The following EPB41 variants were observed in gnomAD, a reference collection of about 807,000 sequenced individuals.
EPB41 encodes the protein protein 4.1.
A neutral mutation model predicts 108.0 loss-of-function variants in EPB41; 65 were observed. That is an observed-to-expected ratio of 0.60 (90% CI 0.49 to 0.74). EPB41 has a LOEUF of 0.74. EPB41 is among the 30% of genes least tolerant of loss of function. The pLI, the probability that EPB41 is intolerant of heterozygous loss-of-function variation, is 0.00. For missense variants in EPB41, 875 were observed against 1,037.0 expected (o/e 0.84, Z 2.15); for synonymous variants, 336 against 358.9 (o/e 0.94, Z 0.72).
At chr1:28,967,013 C>CTTTTTTTTTTTTTTTT (rs71586876) in intron 1 of EPB41, among the ~76,000 whole-genome samples, 1 of 85,368 alleles carries the variant, frequency 1.2e-5, no homozygotes, top group Non-Finnish European at 2.1e-5. Flanking sequence ...ATATGAGAAC[C>CTTTTTTTTTTTTTTTT]TTTTTTTTTT....
chr1:28,937,607 C>G (rs1448537774), intron 1 of EPB41, among the ~76,000 whole-genome samples: 1 of 152,158 alleles, frequency 6.6e-6, no homozygotes, highest in African/African-American at 2.4e-5. Context: ...GTTGGCCAGG[C>G]TGGTCTTTAA....
At chr1:29,087,225 G>A (rs750104359) in intron 16 of EPB41, among the ~76,000 whole-genome samples, 1 of 151,984 alleles carries the variant, frequency 6.6e-6, no homozygotes, top group Middle Eastern at 3.2e-3. Context: ...ACAGGTGTGA[G>A]CCACCGTGCC....
intron 12 of EPB41, among the ~76,000 whole-genome samples, chr1:29,056,042 C>T (rs918422200): frequency 6.6e-6 from 1 of 151,544 alleles, no homozygotes; most frequent in African/African-American, 2.4e-5. Context: ...TGAGACCATC[C>T]TGGCCAACAT....
intron 18 of EPB41, among the ~76,000 whole-genome samples, chr1:29,112,113 A>C (rs1669384548): frequency 1.3e-5 from 2 of 152,102 alleles, no homozygotes; most frequent in African/African-American, 4.8e-5. Flanking sequence ...CCAGCAGTAG[A>C]TTAAAATTTG....
intron 16 of EPB41, among the ~76,000 whole-genome samples, chr1:29,078,512 G>C (rs959086107): frequency 4.6e-5 from 7 of 151,720 alleles, no homozygotes; most frequent in African/African-American, 1.5e-4. Flanking sequence ...TAATCCCAGC[G>C]CTTTGGGAGG....
intron 15 of EPB41, among the ~76,000 whole-genome samples, chr1:29,062,376 A>G (rs1014924938): frequency 3.3e-5 from 5 of 152,206 alleles, no homozygotes; most frequent in African/African-American, 4.8e-5. Context: ...GAGACTCACA[A>G]AGTCCCTGTG....
At chr1:29,040,439 C>T (rs1006299516) in intron 11 of EPB41, among the ~76,000 whole-genome samples, 4 of 152,006 alleles carry the variant, frequency 2.6e-5, no homozygotes, top group Non-Finnish European at 5.9e-5. Flanking sequence ...TGCCACCATT[C>T]CTGGCTAATT....
chr1:28,950,813 C>T (rs2094689895), intron 1 of EPB41, among the ~76,000 whole-genome samples: 3 of 152,148 alleles, frequency 2.0e-5, no homozygotes, highest in African/African-American at 7.2e-5. Context: ...GAAGAGACAT[C>T]TTGAACAGGC....
At chr1:29,009,037 T>G (rs1178964091) in intron 4 of EPB41, among the ~76,000 whole-genome samples, 1 of 152,212 alleles carries the variant, frequency 6.6e-6, no homozygotes, top group African/African-American at 2.4e-5. Context: ...GCACATATTT[T>G]TTATCATTGT....
At chr1:29,041,615 G>A (rs1641585858) in intron 11 of EPB41, 2 of 151,808 alleles carry the variant, frequency 1.3e-5, no homozygotes, top group Admixed American at 6.6e-5. Context: ...GTTGTTATGT[G>A]CATATATAGT....
chr1:29,055,688 G>A lies in EPB41; in HGVS notation c.1845+2376G>A, dbSNP rs932523325. On this transcript the variant is annotated intron_variant, in intron 12 of 20. Coordinates refer to ENST00000343067, the MANE Select transcript of EPB41 (RefSeq NM_001376013.1). The stretch of plus-strand genomic sequence containing the variant: ...TATGGCGGCAGGCACGGTGGCTCAC[G>A]CCCGTAATCCCAGCAATTTGGGAGG... Among the ~76,000 whole-genome samples the A allele has an allele frequency of 2.2e-4, 34 of 151,452 alleles. 1 individual carries two copies. The highest frequency in any genetic ancestry group is 7.5e-4 in the African/African-American group (31 of 41,166).
At chr1:28,927,832 T>C (rs1456270650) in intron 1 of EPB41, among the ~76,000 whole-genome samples, 1 of 152,138 alleles carries the variant, frequency 6.6e-6, no homozygotes, top group Admixed American at 6.6e-5. Flanking sequence ...AAAAACTGCT[T>C]TCTATCTCAA....
At chr1:29,056,450 G>A (rs188349585) in intron 12 of EPB41, among the ~76,000 whole-genome samples, 55 of 152,190 alleles carry the variant, frequency 3.6e-4, no homozygotes, top group Non-Finnish European at 6.5e-4. Context: ...ATACCTGTAG[G>A]TGCTGTCTCC....
chr1:29,018,068 GTTA>G lies in EPB41; in HGVS notation c.906-148_906-146del, dbSNP rs1253577232. On this transcript the variant is annotated intron_variant, in intron 6 of 20. Transcript: ENST00000343067. This position sits in a 1 kb window ranked among gnomAD's most constrained non-coding sequence, Gnocchi z 4.4. ...CCATATACCAACTACCTAGATTGAA[GTTA>G]TTATTATCTCATATTTACTTAATTG... Among the ~76,000 whole-genome samples the G allele has an allele frequency of 1.3e-5, 2 of 152,030 alleles. No individual in the cohort carries two copies. Among genetic ancestry groups the G allele is most frequent in the South Asian group, 2.1e-4 (1 of 4,806 alleles).
intron 15 of EPB41, among the ~76,000 whole-genome samples, chr1:29,061,424 C>CA (rs1246906475): frequency 6.6e-5 from 10 of 152,022 alleles, no homozygotes; most frequent in South Asian, 4.1e-4. Context: ...CGCCCGCCAC[C>CA]TGTCTGGCTA....
chr1:28,964,240 A>G (rs1330628931), intron 1 of EPB41, among the ~76,000 whole-genome samples: 3 of 152,072 alleles, frequency 2.0e-5, no homozygotes, highest in Non-Finnish European at 4.4e-5. Context: ...GGAATTTGAG[A>G]CCACTGTGGC....
At chr1:28,922,618 G>A (rs1034038017) in intron 1 of EPB41, among the ~76,000 whole-genome samples, 2 of 130,592 alleles carry the variant, frequency 1.5e-5, no homozygotes, top group African/African-American at 5.9e-5. Flanking sequence ...TTTTTTCTTA[G>A]AGACAGGATT....
At chr1:29,058,432 T>G (rs188728384) in intron 12 of EPB41, among the ~76,000 whole-genome samples, 157 bp from the exon 13 acceptor site, 194 of 152,350 alleles carry the variant, frequency 1.3e-3, no homozygotes, top group African/African-American at 4.5e-3. Flanking sequence ...GGGAGTAATA[T>G]CCTTCCCTGT....
chr1:28,942,468 T>C (rs771766955), intron 1 of EPB41, among the ~76,000 whole-genome samples: 12 of 152,336 alleles, frequency 7.9e-5, no homozygotes, highest in Non-Finnish European at 1.5e-4. Flanking sequence ...TGTTTACCCA[T>C]TTGTTAGAAA....
Sources: allele counts gnomAD v4.1 joint callset (sites outside exome capture counted in the v4.1 genomes callset), GRCh38; gene constraint gnomAD v4.1.1; non-coding constraint Gnocchi (gnomAD v3.1); transcripts MANE v1.5; gene names NCBI Gene and HGNC (gene_info 2026-07-23, HGNC 2026-07-21).